Variants in XKR5 observed in about 807,000 individuals in gnomAD.
XKR5 encodes XK-related protein 5.
In XKR5, 46 loss-of-function variants were observed where a neutral mutation model predicts 40.8. The observed-to-expected ratio is 1.13, with a 90% CI of 0.89 to 1.44. The LOEUF (loss-of-function observed/expected upper bound fraction) is 1.44. Ranked by LOEUF, XKR5 falls within the 40% of genes most tolerant of loss-of-function variation. XKR5 has a pLI of 0.00. For missense variants in XKR5, 1,169 were observed against 844.7 expected, an observed-to-expected ratio of 1.38 and a Z score of -4.76; for synonymous variants, 466 against 356.1, an observed-to-expected ratio of 1.31 and a Z score of -3.48.
intron 2 of XKR5, among the ~76,000 whole-genome samples, chr8:6,826,320 G>C (rs1490987528): frequency 6.6e-6 from 1 of 150,982 alleles, no homozygotes; most frequent in Non-Finnish European, 1.5e-5. Flanking sequence ...TCTGTAGTGT[G>C]TGCAGTGTGA....
At chr8:6,834,367 G>A (rs919364366) in intron 1 of XKR5, among the ~76,000 whole-genome samples, 1 of 152,226 alleles carries the variant, frequency 6.6e-6, no homozygotes. Flanking sequence ...CGCCCAGGCT[G>A]GGTCCGGCTG....
chr8:6,830,886 G>C (rs1804736427), intron 2 of XKR5, among the ~76,000 whole-genome samples: 1 of 152,156 alleles, frequency 6.6e-6, no homozygotes, highest in African/African-American at 2.4e-5. Context: ...TGAAATACCA[G>C]CAGCATGAAT....
intron 1 of XKR5, among the ~76,000 whole-genome samples, chr8:6,834,724 C>A (rs1284364628): frequency 6.6e-6 from 1 of 152,186 alleles, no homozygotes. Flanking sequence ...GGGAGCCCGG[C>A]GGAAGTGGGC....
At chr8:6,823,423 C>T (rs1214357916) in intron 4 of XKR5, 98 bp downstream of exon 4, 5 of 1,309,308 alleles carry the variant, frequency 3.8e-6, no homozygotes, top group Non-Finnish European at 5.4e-6. Flanking sequence ...AGCCTTCAGG[C>T]CTGGGATTGA....
At chr8:6,834,867 C>A (rs1326778783) in intron 1 of XKR5, among the ~76,000 whole-genome samples, 1 of 152,166 alleles carries the variant, frequency 6.6e-6, no homozygotes, top group African/African-American at 2.4e-5. Flanking sequence ...CGAAGGGCCG[C>A]GTCCCGCCCC....
chr8:6,812,100 C>A lies in XKR5; in HGVS notation c.1159G>T (p.Ala387Ser), dbSNP rs1036871093. 1 of 1,545,236 alleles carries A rather than the reference C, an allele frequency of 6.5e-7. No homozygotes were observed. Among genetic ancestry groups the A allele is most frequent in the Non-Finnish European group, 8.7e-7 (1 of 1,146,978 alleles). Residue 387 changes from alanine (A) to serine (S), a missense_variant, in exon 7 of 7, where the codon GCT (alanine) becomes TCT (serine). By Grantham distance (99) the Ala-to-Ser change is moderately conservative. Transcript: ENST00000618742. Reference protein sequence around the residue: ...PPTPEQVPPEAGLGTQVAVED... With the variant: ...PPTPEQVPPESGLGTQVAVED... ...ACAGCAACCTGGGTCCCCAGCCCAG[C>A]CTCTGGGGGGACCTGCTCAGGGGTA...
At chr8:6,812,711 T>G (rs538019820) in intron 6 of XKR5, among the ~76,000 whole-genome samples, 8 of 152,306 alleles carry the variant, frequency 5.3e-5, no homozygotes, top group African/African-American at 1.9e-4. Context: ...CATTCTACTT[T>G]CAAGTAACTG....
chr8:6,829,826 C>CTTT (rs140715953), intron 2 of XKR5, among the ~76,000 whole-genome samples: 8 of 63,562 alleles, frequency 1.3e-4, no homozygotes, highest in African/African-American at 4.9e-4. Context: ...CAAATTCTTG[C>CTTT]TTTTTTTTTT....
chr8:6,823,434 G>T, intron 4 of XKR5, 87 bp downstream of exon 4: 1 of 1,398,370 alleles, frequency 7.2e-7, no homozygotes, highest in Non-Finnish European at 9.9e-7. Context: ...CTGGGATTGA[G>T]GATCATATGT....
chr8:6,819,663 C>T (rs576052410), intron 5 of XKR5, among the ~76,000 whole-genome samples: 6 of 152,274 alleles, frequency 3.9e-5, no homozygotes, highest in Admixed American at 6.5e-5. Context: ...CTGTCATCTC[C>T]GCCTTTTCTT....
intron 2 of XKR5, among the ~76,000 whole-genome samples, chr8:6,828,809 T>A (rs2117113860): frequency 6.6e-6 from 1 of 152,328 alleles, no homozygotes; most frequent in African/African-American, 2.4e-5. Context: ...AGGTCTCCAA[T>A]GCCTGAGGAT....
rs747280984 is a variant in XKR5 at position 6,815,851 on chromosome 8, G to T, written c.875C>A (p.Thr292Asn). Residue 292 changes from threonine to asparagine, a missense_variant, in exon 6 of 7, where the codon ACC becomes AAC. Thr to Asn is a moderately conservative substitution (Grantham distance 65). Transcript: ENST00000618742. The stretch of plus-strand genomic sequence containing the variant: ...GACCCCAGCTATGGTCTGCAGGCTG[G>T]TCCACGATGCCCCCTGGAGAAAGTC... The part of the protein sequence containing the change: ...ATDFLQGASW[T>N]SLQTIAGVLS... 1.2e-6 allele frequency: 2 copies of T among 1,605,820 alleles called. No individual in the cohort carries two copies. The highest frequency in any genetic ancestry group is 1.7e-6 in the Non-Finnish European group (2 of 1,176,282).
chr8:6,829,032 G>A (rs944129846), intron 2 of XKR5: 1 of 152,230 alleles, frequency 6.6e-6, no homozygotes, highest in Admixed American at 6.5e-5. Flanking sequence ...TCCCTACATT[G>A]ATGGAAATCG....
intron 6 of XKR5, among the ~76,000 whole-genome samples, chr8:6,814,776 C>G (rs905401256): frequency 6.6e-6 from 1 of 152,178 alleles, no homozygotes. Context: ...CCCAGGGTGG[C>G]CTGTGGCTCT....
intron 5 of XKR5, among the ~76,000 whole-genome samples, chr8:6,819,881 T>C (rs1206050071): frequency 5.3e-5 from 7 of 131,376 alleles, no homozygotes; most frequent in South Asian, 3.1e-4. Flanking sequence ...CCCTCCTTCC[T>C]TCCTTCCTTC....
chr8:6,811,508 T>G lies in XKR5; in HGVS notation c.1751A>C (p.His584Pro), dbSNP rs1803685914. 1 of 1,529,612 alleles carries G rather than the reference T, an allele frequency of 6.5e-7. No individual in the cohort carries two copies. Among genetic ancestry groups the G allele is most frequent in the South Asian group, 1.2e-5 (1 of 82,752 alleles). 94.8% of individuals were successfully genotyped at this position (1,529,612 alleles called of 1,614,324 possible). The change falls in exon 7 of 7, where the codon CAC (histidine) becomes CCC (proline). Residue 584 changes from histidine to proline, a missense_variant. By Grantham distance (77) the His-to-Pro change is moderately conservative. Coordinates refer to ENST00000618742, the MANE Select transcript of XKR5 (RefSeq NM_207411.5). ...GGGGAAGGGCGCCAAGCCCACTGGG[T>G]GGGGCGATGCAGGCTGGGCAGGGCT... Reference protein sequence around the residue: ...KSSPAQPASPHPVGLAPFPDT... With the variant: ...KSSPAQPASPPPVGLAPFPDT...
chr8:6,828,600 A>T (rs1394321523), intron 2 of XKR5, among the ~76,000 whole-genome samples: 2 of 152,178 alleles, frequency 1.3e-5, no homozygotes, highest in South Asian at 4.1e-4. Context: ...GGATTTGGTC[A>T]CTAGGTCCTA....
intron 5 of XKR5, among the ~76,000 whole-genome samples, chr8:6,816,689 T>TAATTA (rs1803973389): frequency 6.8e-6 from 1 of 147,070 alleles, no homozygotes; most frequent in East Asian, 2.0e-4. Flanking sequence ...TTAATTTAAT[T>TAATTA]AAAAATAATT....
intron 6 of XKR5, among the ~76,000 whole-genome samples, chr8:6,813,390 C>G (rs1803822819): frequency 6.6e-6 from 1 of 152,176 alleles, no homozygotes; most frequent in Non-Finnish European, 1.5e-5. Context: ...TGAACAAAGG[C>G]CCCTGATCAC....
Sources: gnomAD v4.1 joint callset for allele counts (sites outside exome capture counted in the v4.1 genomes callset) on GRCh38, gnomAD v4.1.1 for gene constraint, MANE v1.5 for transcripts, NCBI Gene and HGNC (gene_info 2026-07-23, HGNC 2026-07-21) for gene names.